Variants in RSPH6A observed in about 807,000 individuals in gnomAD.
The protein encoded by RSPH6A is radial spoke head 6 homolog A, also known as radial spoke head protein 6 homolog A.
A neutral mutation model predicts 66.1 loss-of-function variants in RSPH6A; 49 were observed. That is an observed-to-expected ratio of 0.74 (90% CI 0.59 to 0.94). RSPH6A has a LOEUF of 0.94. Ranked by LOEUF, RSPH6A falls within the 40% of genes least tolerant of loss-of-function variation. The pLI is 0.00. For synonymous variants in RSPH6A, 419 were observed against 402.4 expected (o/e 1.04, Z -0.49); for missense variants, 977 against 948.3 (o/e 1.03, Z -0.40).
chr19:45,795,951 G>A lies in RSPH6A; in HGVS notation c.2072C>T (p.Ala691Val). 6.2e-7 allele frequency: 1 copy of A among 1,607,426 alleles called. No individual in the cohort carries two copies. The highest frequency in any genetic ancestry group is 1.4e-5 in the African/African-American group (1 of 73,108). Residue 691 changes from alanine to valine, a missense_variant, in exon 6 of 6, where the codon GCA becomes GTA. By Grantham distance (64) the Ala-to-Val change is moderately conservative. Coordinates refer to ENST00000221538, the MANE Select transcript of RSPH6A (RefSeq NM_030785.4). ...GGCTCCCAGGGCTTGTTCCTGGGCT[G>A]CTTTCAGAGCCTGCTCCTCTTCCAC... ...PTVEEEQALK[A>V]AQEQALGATE...
At chr19:45,807,956 A>C (rs1223240013) in intron 2 of RSPH6A, among the ~76,000 whole-genome samples, 2 of 152,312 alleles carry the variant, frequency 1.3e-5, no homozygotes, top group East Asian at 3.9e-4. Flanking sequence ...GGACCTTACC[A>C]GTCCTAGACT....
chr19:45,802,475 C>G (rs1291083792), intron 3 of RSPH6A, among the ~76,000 whole-genome samples: 1 of 151,784 alleles, frequency 6.6e-6, no homozygotes, highest in Non-Finnish European at 1.5e-5. Flanking sequence ...CTGTGCGACC[C>G]CCATTCATGC....
rs369746898 is a variant in RSPH6A, at chr19:45,815,092, T to G, written c.85A>C (p.Ser29Arg). The G allele has an allele frequency of 6.2e-7, 1 of 1,613,186 alleles. No homozygotes were observed. The highest frequency in any genetic ancestry group is 8.5e-7 in the Non-Finnish European group (1 of 1,180,032). Reference sequence around the variant, plus strand: ...GCCAGGGCCTGAGCTTGGTCCCGACTGTGCCGCCTCTGGGAGGCCTGAGAA... The same window carrying G: ...GCCAGGGCCTGAGCTTGGTCCCGACGGTGCCGCCTCTGGGAGGCCTGAGAA... ...RTSQASQRRH[S>R]RDQAQALAAD... The change falls in exon 1 of 6, where the codon AGT becomes CGT. Residue 29 changes from serine to arginine, a missense_variant. Transcript: ENST00000221538.
intron 2 of RSPH6A, among the ~76,000 whole-genome samples, chr19:45,809,003 CTT>C (rs35881550): frequency 3.3e-5 from 4 of 120,128 alleles, no homozygotes; most frequent in Admixed American, 1.9e-4. Context: ...TTGTTTTTTG[CTT>C]TTTTTTTTTT....
At chr19:45,814,439 C>A in intron 1 of RSPH6A, 88 bp downstream of exon 1, 1 of 1,240,440 alleles carries the variant, frequency 8.1e-7, no homozygotes, top group South Asian at 1.8e-5. Flanking sequence ...AGGGATGATC[C>A]CTTGTCTGAC....
At position 45,800,493 on chromosome 19, in the gene RSPH6A, A is replaced by T. The variant is rs1291799862; in HGVS notation, c.1869T>A (p.Val623=). 1.2e-6 allele frequency: 2 copies of T among 1,613,470 alleles called. No individual in the cohort carries two copies. Among genetic ancestry groups the T allele is most frequent in the Non-Finnish European group, 1.7e-6 (2 of 1,179,950 alleles). The change falls in exon 5 of 6, where the codon GTT becomes GTA. Residue 623 remains valine (V), a synonymous_variant. Transcript: ENST00000221538. Reference sequence around the variant, plus strand: ...CCCCGGGCCAGAGGTTGGAGCGCACAACGGCCACTGAGTACTGCGGGCAGA... The same window carrying T: ...CCCCGGGCCAGAGGTTGGAGCGCACTACGGCCACTGAGTACTGCGGGCAGA... ...CSLCPQYSVA[V]VRSNLWPGAY... is the part of the protein sequence containing the mutation.
In RSPH6A at chr19:45,795,956, C is replaced by T. The variant is rs1970404300; in HGVS notation, c.2067G>A (p.Leu689=). 1 of 1,611,872 alleles carries T rather than the reference C, an allele frequency of 6.2e-7. No individual in the cohort carries two copies. Among genetic ancestry groups the T allele is most frequent in the African/African-American group, 1.3e-5 (1 of 74,176 alleles). The change falls in exon 6 of 6, where the codon CTG becomes CTA. Residue 689 remains leucine (L), a synonymous_variant. Coordinates refer to ENST00000221538, the MANE Select transcript of RSPH6A (RefSeq NM_030785.4). ...SDPTVEEEQA[L]KAAQEQALGA... Reference sequence around the variant, plus strand: ...CCAGGGCTTGTTCCTGGGCTGCTTTCAGAGCCTGCTCCTCTTCCACTGTGG... The same window carrying T: ...CCAGGGCTTGTTCCTGGGCTGCTTTTAGAGCCTGCTCCTCTTCCACTGTGG...
rs45438200 is a variant in RSPH6A at position 45,804,552 on chromosome 19, G to A, written c.1353C>T (p.Asn451=). Residue 451 remains asparagine (N), a synonymous_variant, in exon 3 of 6, where the codon AAC becomes AAT. Transcript: ENST00000221538. The surrounding 1 kb of genome is among the most constrained non-coding windows in gnomAD (Gnocchi z 5.8). ...TGAAGAACTTCTTGATCTTTCGGGC[G>A]TTCACGATCTGGGCTGGAGTGACGT... ...LPHVTPAQIV[N]ARKIKKFFTG... 10 of 1,614,192 alleles carry A rather than the reference G, an allele frequency of 6.2e-6. No individual in the cohort carries two copies. Among genetic ancestry groups the A allele is most frequent in the Non-Finnish European group, 6.8e-6 (8 of 1,180,022 alleles).
At chr19:45,806,199 G>A (rs1223405502) in intron 2 of RSPH6A, among the ~76,000 whole-genome samples, 1 of 152,162 alleles carries the variant, frequency 6.6e-6, no homozygotes, top group African/African-American at 2.4e-5. Context: ...AATAAGTCCT[G>A]TCTTCACTGC....
At chr19:45,810,869 AG>A (rs1408950808) in intron 1 of RSPH6A, 29 bp from the exon 2 acceptor site, 1 of 1,563,312 alleles carries the variant, frequency 6.4e-7, no homozygotes, top group Admixed American at 1.7e-5. Flanking sequence ...GTGGGAGGAG[AG>A]GGACCTCACT....
chr19:45,798,711 C>CTAA (rs1970434846), intron 5 of RSPH6A, among the ~76,000 whole-genome samples: 1 of 150,664 alleles, frequency 6.6e-6, no homozygotes, highest in Non-Finnish European at 1.5e-5. Flanking sequence ...TGGTGGCGAG[C>CTAA]ACCTGTAGTC....
Position 45,804,477 on chromosome 19 carries a change from G to A in RSPH6A, c.1428C>T (p.Asn476=), listed in dbSNP as rs140239009. ...TCTGGGCCCGCAGGTAGTTGGCCTCGTTGCCCGGGAAGGGTGGGTAGCTGA... is the reference window on the plus strand; with the variant it reads ...TCTGGGCCCGCAGGTAGTTGGCCTCATTGCCCGGGAAGGGTGGGTAGCTGA... ...PVVSYPPFPG[N]EANYLRAQIA... is the part of the protein sequence containing the mutation. Residue 476 remains asparagine, a synonymous_variant, in exon 3 of 6, where the codon AAC becomes AAT. Coordinates refer to ENST00000221538, the MANE Select transcript of RSPH6A (RefSeq NM_030785.4). This position sits in a 1 kb window ranked among gnomAD's most constrained non-coding sequence, Gnocchi z 5.8. The A allele has an allele frequency of 4.5e-4, 722 of 1,613,940 alleles. 1 individual carries two copies. The highest frequency in any genetic ancestry group is 5.7e-4 in the Non-Finnish European group (678 of 1,179,956).
In RSPH6A at chr19:45,815,295, A is replaced by T. The variant is rs1439780829; in HGVS notation, c.-119T>A. On this transcript the variant is annotated 5_prime_UTR_variant, in exon 1 of 6. Coordinates refer to ENST00000221538, the MANE Select transcript of RSPH6A (RefSeq NM_030785.4). ...CGAGAGAGGGGGCCGTTACCCGTGG[A>T]GGGCGCGGGGAGCGGGCCAGGGTGG... 1.5e-5 allele frequency: 19 copies of T among 1,232,004 alleles called. No homozygotes were observed. The highest frequency in any genetic ancestry group is 2.1e-5 in the Non-Finnish European group (19 of 913,448). 76.3% of individuals were successfully genotyped at this position (1,232,004 alleles called of 1,614,324 possible).
chr19:45,810,696 C>A lies in RSPH6A; in HGVS notation c.795G>T (p.Met265Ile). 4 of 1,614,176 alleles carry A rather than the reference C, an allele frequency of 2.5e-6. No homozygotes were observed. The highest frequency in any genetic ancestry group is 3.4e-6 in the Non-Finnish European group (4 of 1,180,034). Residue 265 changes from methionine to isoleucine, a missense_variant, in exon 2 of 6, where the codon ATG becomes ATT. By Grantham distance (10) the Met-to-Ile change is conservative (BLOSUM62 1). Transcript: ENST00000221538. ...KLDTLRDDPE[M>I]QPTYKMAEKQ... ...TCTCCGCCATCTTGTAGGTGGGCTG[C>A]ATCTCGGGGTCGTCCCGCAGCGTGT...
intron 5 of RSPH6A, 37 bp from the exon 6 acceptor site, chr19:45,796,143 A>G (rs1352985494): frequency 1.4e-6 from 2 of 1,458,596 alleles, no homozygotes; most frequent in South Asian, 1.4e-5. Context: ...ATTCTCCCTC[A>G]AAGGCCCCAG....
rs760483481 is a variant in RSPH6A, at chr19:45,814,741, A to G, written c.436T>C (p.Leu146=). 6.2e-6 allele frequency: 10 copies of G among 1,613,678 alleles called. No homozygotes were observed. Among genetic ancestry groups the G allele is most frequent in the East Asian group, 2.2e-5 (1 of 44,874 alleles). ...PTFQEPPVNP[L]GQFNLYQTDQ... Reference sequence around the variant, plus strand: ...GTCTGGTAGAGGTTGAACTGGCCCAAGGGGTTGACTGGGGGCTCCTGGAAG... The same window carrying G: ...GTCTGGTAGAGGTTGAACTGGCCCAGGGGGTTGACTGGGGGCTCCTGGAAG... The change falls in exon 1 of 6, where the codon TTG becomes CTG. Residue 146 remains leucine, a synonymous_variant. Coordinates refer to ENST00000221538, the MANE Select transcript of RSPH6A (RefSeq NM_030785.4).
Position 45,804,972 on chromosome 19 carries a change from G to A in RSPH6A, c.933C>T (p.Phe311=), listed in dbSNP as rs774645702. The stretch of plus-strand genomic sequence containing the variant: ...AGCTCAGGCCGACGCCGGCCTGCTC[G>A]AAGTAGAAGGCAGTCTCCATGATGT... ...VPNIMETAFY[F]EQAGVGLSSD... is the part of the protein sequence containing the mutation. Residue 311 remains phenylalanine (F), a synonymous_variant, in exon 3 of 6, where the codon TTC becomes TTT. Coordinates refer to ENST00000221538, the MANE Select transcript of RSPH6A (RefSeq NM_030785.4). This position sits in a 1 kb window ranked among gnomAD's most constrained non-coding sequence, Gnocchi z 5.8. 12 of 1,613,540 alleles carry A rather than the reference G, an allele frequency of 7.4e-6. No homozygotes were observed. The highest frequency in any genetic ancestry group is 6.7e-5 in the East Asian group (3 of 44,882).
intron 1 of RSPH6A, chr19:45,811,069 C>G (rs770679433): frequency 2.6e-5 from 9 of 343,250 alleles, no homozygotes; most frequent in Non-Finnish European, 4.7e-5. Flanking sequence ...TCTCGGCTCA[C>G]TGCAACCTCT....
intron 1 of RSPH6A, among the ~76,000 whole-genome samples, chr19:45,813,253 A>G (rs1425752026): frequency 6.6e-6 from 1 of 151,782 alleles, no homozygotes; most frequent in Non-Finnish European, 1.5e-5. Flanking sequence ...TGCCTGGCTC[A>G]CTCTTCCTCC....
Sources: allele counts gnomAD v4.1 joint callset (sites outside exome capture counted in the v4.1 genomes callset), GRCh38; gene constraint gnomAD v4.1.1; non-coding constraint Gnocchi (gnomAD v3.1); transcripts MANE v1.5; gene names NCBI Gene and HGNC (gene_info 2026-07-23, HGNC 2026-07-21).